Variants in LSAMP observed in about 807,000 individuals in gnomAD.
LSAMP encodes the protein limbic system associated membrane protein.
A neutral mutation model predicts 38.6 loss-of-function variants in LSAMP; 7 were observed. The observed-to-expected ratio is 0.18, with a 90% CI of 0.10 to 0.34. LSAMP has a LOEUF of 0.34. Ranked by LOEUF, LSAMP falls within the 10% of genes least tolerant of loss-of-function variation. The probability of loss-of-function intolerance (pLI) is 1.00; values close to 1 mark genes in which losing one functional copy is unlikely to be tolerated. For missense variants in LSAMP, 313 were observed against 420.0 expected (o/e 0.75, Z 2.23); for synonymous variants, 154 against 166.8 (o/e 0.92, Z 0.59).
intron 6 of LSAMP, among the ~76,000 whole-genome samples, chr3:115,822,359 CTTCT>C (rs1934268823): frequency 9.8e-6 from 1 of 101,750 alleles, no homozygotes; most frequent in South Asian, 3.9e-4. Context: ...TCTTTCTTTC[CTTCT>C]TTTTTTTTTT....
intron 1 of LSAMP, among the ~76,000 whole-genome samples, chr3:116,106,347 A>G (rs1708466616): frequency 6.6e-6 from 1 of 152,112 alleles, no homozygotes; most frequent in South Asian, 2.1e-4. Context: ...ACTAGACAGA[A>G]GATAGTAGGG....
intron 1 of LSAMP, among the ~76,000 whole-genome samples, chr3:116,122,258 T>C (rs766711554): frequency 1.4e-4 from 21 of 152,336 alleles, no homozygotes; most frequent in Admixed American, 2.6e-4. Context: ...CATTCTATAG[T>C]AAAACCCACT....
At chr3:116,376,604 G>A (rs2107797054) in intron 1 of LSAMP, among the ~76,000 whole-genome samples, 1 of 152,038 alleles carries the variant, frequency 6.6e-6, no homozygotes, top group Middle Eastern at 3.4e-3. Context: ...TTTTCTTAGT[G>A]CAGTTTTTAC....
chr3:115,852,597 C>G lies in LSAMP; in HGVS notation c.535G>C (p.Glu179Gln), dbSNP rs1446142849. The G allele has an allele frequency of 1.2e-6, 2 of 1,612,158 alleles. No individual in the cohort carries two copies. ...ATGCCAAGGATCTCCAGATATTCTT[C>G]TTCTCCTTCAAATTCCCTTCCTGAA... ...TPTGREFEGE[E>Q]EYLEILGITR... Residue 179 changes from glutamate (E) to glutamine (Q), a missense_variant, in exon 4 of 7, where the codon GAA becomes CAA. By Grantham distance (29) the Glu-to-Gln change is conservative. Transcript: ENST00000490035.
At chr3:116,135,697 A>G (rs1709232328) in intron 1 of LSAMP, among the ~76,000 whole-genome samples, 1 of 152,192 alleles carries the variant, frequency 6.6e-6, no homozygotes, top group South Asian at 2.1e-4. Flanking sequence ...TAGAGGAAAA[A>G]CAACCAGAAG....
At chr3:116,083,024 T>G (rs1427286715) in intron 2 of LSAMP, among the ~76,000 whole-genome samples, 4 of 152,012 alleles carry the variant, frequency 2.6e-5, no homozygotes, top group Non-Finnish European at 5.9e-5. Flanking sequence ...CTAAAATAAT[T>G]TTTTTAAAAA....
intron 3 of LSAMP, among the ~76,000 whole-genome samples, chr3:115,954,074 T>C (rs1481876786): frequency 1.3e-5 from 2 of 152,214 alleles, no homozygotes; most frequent in Non-Finnish European, 2.9e-5. Flanking sequence ...TGTTTATTTG[T>C]TTTTTAACTG....
intron 1 of LSAMP, among the ~76,000 whole-genome samples, chr3:116,243,356 T>C (rs961168316): frequency 6.6e-6 from 1 of 152,214 alleles, no homozygotes; most frequent in African/African-American, 2.4e-5. Context: ...AAAGTCAAAC[T>C]CCTGCCAGGA....
At chr3:115,910,662 A>G (rs143542656) in intron 3 of LSAMP, among the ~76,000 whole-genome samples, 16 of 152,320 alleles carry the variant, frequency 1.1e-4, no homozygotes, top group African/African-American at 2.6e-4. Flanking sequence ...AGGATCCTGC[A>G]TATTGTTCTT....
At chr3:115,876,962 A>G (rs952536432) in intron 3 of LSAMP, among the ~76,000 whole-genome samples, 1 of 152,072 alleles carries the variant, frequency 6.6e-6, no homozygotes, top group Admixed American at 6.6e-5. Flanking sequence ...CGCCCCTTCC[A>G]TTTTGGAAGC....
At chr3:115,988,177 G>C (rs1217738351) in intron 3 of LSAMP, among the ~76,000 whole-genome samples, 1 of 152,078 alleles carries the variant, frequency 6.6e-6, no homozygotes, top group Non-Finnish European at 1.5e-5. Context: ...CTTAATGTTT[G>C]AGATAACAAA....
At chr3:116,366,833 T>C (rs1045742116) in intron 1 of LSAMP, among the ~76,000 whole-genome samples, 3 of 152,162 alleles carry the variant, frequency 2.0e-5, no homozygotes, top group African/African-American at 7.2e-5. Context: ...GGACATTTAA[T>C]AATATTTTCT....
At chr3:115,859,090 T>C (rs1227303540) in intron 3 of LSAMP, among the ~76,000 whole-genome samples, 1 of 152,216 alleles carries the variant, frequency 6.6e-6, no homozygotes, top group Non-Finnish European at 1.5e-5. Flanking sequence ...TTTCCAGCCA[T>C]GTGTCTCTCC....
intron 6 of LSAMP, among the ~76,000 whole-genome samples, chr3:115,819,748 T>G (rs1352144161): frequency 1.3e-5 from 2 of 152,210 alleles, no homozygotes; most frequent in East Asian, 3.8e-4. Flanking sequence ...TGTTAAGTAC[T>G]CCTCCCTATG....
At chr3:115,976,020 T>C (rs1326031017) in intron 3 of LSAMP, among the ~76,000 whole-genome samples, 1 of 152,210 alleles carries the variant, frequency 6.6e-6, no homozygotes, top group Non-Finnish European at 1.5e-5. Flanking sequence ...GTTCTTCAGC[T>C]TCTTTCACCA....
At chr3:116,310,614 G>T (rs2047544723) in intron 1 of LSAMP, among the ~76,000 whole-genome samples, 1 of 152,116 alleles carries the variant, frequency 6.6e-6, no homozygotes, top group Non-Finnish European at 1.5e-5. Flanking sequence ...AATTATTCCA[G>T]AGCTGGCCTT....
chr3:116,002,305 A>G (rs1344709270), intron 3 of LSAMP, among the ~76,000 whole-genome samples: 3 of 152,166 alleles, frequency 2.0e-5, no homozygotes, highest in Non-Finnish European at 2.9e-5. Context: ...TAAAGATGAG[A>G]AGAACTTGAA....
intron 2 of LSAMP, among the ~76,000 whole-genome samples, chr3:116,025,271 G>T (rs1030423044): frequency 4.6e-5 from 7 of 151,896 alleles, no homozygotes; most frequent in Non-Finnish European, 8.8e-5. Context: ...AATCTATTCA[G>T]TTTCAGTGAT....
chr3:115,878,056 C>A (rs998963946), intron 3 of LSAMP, among the ~76,000 whole-genome samples: 2 of 152,150 alleles, frequency 1.3e-5, no homozygotes, highest in East Asian at 3.9e-4. Flanking sequence ...CGCGGAGACA[C>A]GATTGTTCTG....
Sources: gnomAD v4.1 joint callset for allele counts (sites outside exome capture counted in the v4.1 genomes callset) on GRCh38, gnomAD v4.1.1 for gene constraint, MANE v1.5 for transcripts, NCBI Gene and HGNC (gene_info 2026-07-23, HGNC 2026-07-21) for gene names.